Variants in WDR64 observed in about 807,000 individuals in gnomAD.
WDR64 encodes the protein WD repeat-containing protein 64.
Under a neutral mutation model 139.3 loss-of-function variants are expected in WDR64, and 112 were observed. The observed-to-expected ratio is 0.80, with a 90% CI of 0.69 to 0.94. The LOEUF (loss-of-function observed/expected upper bound fraction) is 0.94. Ranked by LOEUF, WDR64 falls within the 40% of genes least tolerant of loss-of-function variation. The pLI is 0.00. For missense variants in WDR64, 1,206 were observed against 1,293.1 expected (o/e 0.93, Z 1.03); for synonymous variants, 444 against 437.7 (o/e 1.01, Z -0.18).
chr1:241,687,134 G>T (rs943542553), intron 7 of WDR64, among the ~76,000 whole-genome samples: 2 of 151,826 alleles, frequency 1.3e-5, no homozygotes, highest in African/African-American at 2.4e-5. Context: ...ATGAAACCCC[G>T]TCTCTACTAA....
intron 8 of WDR64, among the ~76,000 whole-genome samples, chr1:241,706,336 G>A (rs953763725): frequency 6.6e-6 from 1 of 152,210 alleles, no homozygotes; most frequent in African/African-American, 2.4e-5. Flanking sequence ...AATGGGAATT[G>A]GCCCAAGAAG....
At chr1:241,682,596 C>T (rs1221404975) in intron 6 of WDR64, among the ~76,000 whole-genome samples, 1 of 152,208 alleles carries the variant, frequency 6.6e-6, no homozygotes, top group Non-Finnish European at 1.5e-5. Flanking sequence ...CTTAGTCTTG[C>T]TTTGCCTATG....
chr1:241,661,153 T>C (rs1404495582), intron 2 of WDR64, among the ~76,000 whole-genome samples: 1 of 150,988 alleles, frequency 6.6e-6, no homozygotes, highest in African/African-American at 2.4e-5. Context: ...TTATAAATTA[T>C]CTGGTTCTTT....
chr1:241,653,425 T>TA (rs1232639771), intron 1 of WDR64, among the ~76,000 whole-genome samples: 1 of 152,202 alleles, frequency 6.6e-6, no homozygotes, highest in African/African-American at 2.4e-5. Context: ...AATTGAATAG[T>TA]ATTTAATAAT....
At chr1:241,740,451 C>T (rs983506661) in intron 11 of WDR64, among the ~76,000 whole-genome samples, 1 of 152,190 alleles carries the variant, frequency 6.6e-6, no homozygotes, top group African/African-American at 2.4e-5. Context: ...CGTATTTACA[C>T]ATGAACAGGT....
intron 2 of WDR64, among the ~76,000 whole-genome samples, chr1:241,664,961 C>G (rs1464899044): frequency 6.6e-6 from 1 of 152,016 alleles, no homozygotes; most frequent in Non-Finnish European, 1.5e-5. Context: ...CTTTGAGAGG[C>G]CAAGGCAGGA....
At chr1:241,739,180 T>C (rs1298520592) in intron 11 of WDR64, among the ~76,000 whole-genome samples, 1 of 152,208 alleles carries the variant, frequency 6.6e-6, no homozygotes, top group Non-Finnish European at 1.5e-5. Flanking sequence ...TGTGGCCTCT[T>C]AGAAAGACAT....
At chr1:241,687,707 T>G in intron 8 of WDR64, 112 bp downstream of exon 8, 1 of 1,090,794 alleles carries the variant, frequency 9.2e-7, no homozygotes. Flanking sequence ...AATCGGACAT[T>G]AACTATTCCA....
At chr1:241,757,530 G>A in intron 15 of WDR64, 71 bp downstream of exon 15, 1 of 1,404,626 alleles carries the variant, frequency 7.1e-7, no homozygotes, top group South Asian at 1.5e-5. Context: ...ATATATAAAG[G>A]TACAGAAAAT....
intron 9 of WDR64, among the ~76,000 whole-genome samples, chr1:241,719,012 A>G (rs914330856): frequency 1.3e-5 from 2 of 152,166 alleles, no homozygotes; most frequent in Non-Finnish European, 2.9e-5. Context: ...TAAATTTGGG[A>G]GGGAATGAAT....
chr1:241,800,075 A>G (rs1659477860), intron 27 of WDR64, among the ~76,000 whole-genome samples: 1 of 152,242 alleles, frequency 6.6e-6, no homozygotes, highest in Non-Finnish European at 1.5e-5. Flanking sequence ...GCTGAATGAA[A>G]TAGTGAATTA....
chr1:241,674,492 C>T, intron 3 of WDR64, among the ~76,000 whole-genome samples, 152 bp from the exon 4 acceptor site: 1 of 151,878 alleles, frequency 6.6e-6, no homozygotes, highest in East Asian at 1.9e-4. Flanking sequence ...TGGACTTGAG[C>T]AATCCACCTT....
intron 15 of WDR64, among the ~76,000 whole-genome samples, chr1:241,761,817 A>G (rs142943400): frequency 9.1e-4 from 138 of 152,346 alleles, no homozygotes; most frequent in African/African-American, 3.3e-3. Flanking sequence ...TTGCTCATCC[A>G]TGAGAAGCAA....
rs148562909 is a variant in WDR64, at chr1:241,761,709, G to T, written c.1947+4250G>T. 6.7e-3 allele frequency among the ~76,000 whole-genome samples: 1,024 copies of T among 152,192 alleles called. 9 individuals are homozygous for T. The highest frequency in any genetic ancestry group is 0.011 in the South Asian group (55 of 4,816). ...ATTGGTGTTAATTCTCTTAAACCCT[G>T]CCTCTGCCCAATCATCTAAGTTTAG... is the stretch of plus-strand genomic sequence containing the variant. On this transcript the variant is annotated intron_variant, in intron 15 of 27. Coordinates refer to ENST00000437684, the MANE Select transcript of WDR64 (RefSeq NM_001367482.1).
intron 16 of WDR64, among the ~76,000 whole-genome samples, chr1:241,769,072 G>C (rs1388679510): frequency 2.0e-5 from 3 of 152,154 alleles, no homozygotes; most frequent in African/African-American, 7.2e-5. Context: ...TTCAAGACCA[G>C]TCTGGGCAAC....
chr1:241,667,627 C>T (rs1666071261), intron 2 of WDR64, among the ~76,000 whole-genome samples: 1 of 152,072 alleles, frequency 6.6e-6, no homozygotes, highest in African/African-American at 2.4e-5. Flanking sequence ...CATAGGAGGG[C>T]CCATGTACTA....
intron 8 of WDR64, among the ~76,000 whole-genome samples, chr1:241,697,356 A>T (rs1667534481): frequency 6.6e-6 from 1 of 152,182 alleles, no homozygotes. Flanking sequence ...TTTGTTTCAG[A>T]GGTTAAAGTA....
chr1:241,674,539 G>C, intron 3 of WDR64, 105 bp from the exon 4 acceptor site: 2 of 643,838 alleles, frequency 3.1e-6, no homozygotes, highest in Non-Finnish European at 5.3e-6. Context: ...ACAGGAGTGA[G>C]CCACTTGTGC....
chr1:241,771,933 CATACATACATACAT>C (rs1434688511), intron 19 of WDR64, among the ~76,000 whole-genome samples: 35 of 73,516 alleles, frequency 4.8e-4, no homozygotes, highest in African/African-American at 1.5e-3. Context: ...CATACATATA[CATACATACATACAT>C]ATATATATAT....
Sources: allele counts gnomAD v4.1 joint callset (sites outside exome capture counted in the v4.1 genomes callset), GRCh38; gene constraint gnomAD v4.1.1; transcripts MANE v1.5; gene names NCBI Gene and HGNC (gene_info 2026-07-23, HGNC 2026-07-21).